Variants in ITSN1 observed in about 807,000 individuals in gnomAD.
ITSN1 encodes the protein intersectin-1.
Under a neutral mutation model 239.8 loss-of-function variants are expected in ITSN1, and 58 were observed. The observed-to-expected ratio is 0.24, with a 90% CI of 0.20 to 0.30. The LOEUF is 0.30. Among genes scored for constraint, ITSN1 ranks in the 10% least tolerant of loss-of-function variants. ITSN1 has a pLI of 1.00. For synonymous variants in ITSN1, 780 were observed against 770.8 expected, an observed-to-expected ratio of 1.01 and a Z score of -0.20; for missense variants, 1,558 against 2,103.3, an observed-to-expected ratio of 0.74 and a Z score of 5.07.
rs750087030 is a variant in ITSN1, at chr21:33,772,163, G to A, written c.1145G>A (p.Arg382His). ...LLEQQRKEQE[R>H]LAQLERAEQE... Reference sequence around the variant, plus strand: ...GAACAGCAGCGCAAGGAGCAGGAGCGCCTGGCCCAGCTGGAGCGGGCGGAG... The same window carrying A: ...GAACAGCAGCGCAAGGAGCAGGAGCACCTGGCCCAGCTGGAGCGGGCGGAG... Residue 382 changes from arginine (R) to histidine (H), a missense_variant, in exon 12 of 40, where the codon CGC becomes CAC. Arg to His is a conservative substitution (Grantham distance 29, BLOSUM62 0). Around this residue, in one of 2 missense-constraint regions of ITSN1, gnomAD observed 982 missense variants for 1,209.9 expected, o/e 0.81. Coordinates refer to ENST00000381318, the MANE Select transcript of ITSN1 (RefSeq NM_003024.3). The A allele has an allele frequency of 8.7e-6, 14 of 1,614,082 alleles. No individual in the cohort carries two copies. Among genetic ancestry groups the A allele is most frequent in the Admixed American group, 1.7e-5 (1 of 60,000 alleles).
intron 14 of ITSN1, among the ~76,000 whole-genome samples, chr21:33,775,425 A>G (rs1188158437): frequency 6.6e-6 from 1 of 152,224 alleles, no homozygotes; most frequent in African/African-American, 2.4e-5. Context: ...TAAAGTGTGT[A>G]CTGTATTAGA....
intron 29 of ITSN1, 48 bp from the exon 30 acceptor site, chr21:33,856,688 G>A (rs903462790): frequency 6.2e-7 from 1 of 1,611,838 alleles, no homozygotes; most frequent in Admixed American, 1.7e-5. Context: ...AAGTTGTGTG[G>A]GCTTCCCCAG....
intron 1 of ITSN1, among the ~76,000 whole-genome samples, chr21:33,693,902 A>G (rs939378133): frequency 1.3e-5 from 2 of 152,376 alleles, no homozygotes; most frequent in Non-Finnish European, 2.9e-5. Flanking sequence ...AATATTTACA[A>G]CACTTTATCC....
At chr21:33,764,175 A>G (rs2068558921) in intron 9 of ITSN1, among the ~76,000 whole-genome samples, 1 of 152,220 alleles carries the variant, frequency 6.6e-6, no homozygotes, top group Non-Finnish European at 1.5e-5. Context: ...TGAAATATTT[A>G]TTTTAAATTT....
intron 29 of ITSN1, among the ~76,000 whole-genome samples, chr21:33,849,170 G>A (rs1415121652): frequency 1.3e-5 from 2 of 152,124 alleles, no homozygotes; most frequent in African/African-American, 4.8e-5. Flanking sequence ...CTCAGGAGGC[G>A]GAGGTTGCAG....
rs1343376768 is a variant in ITSN1, at chr21:33,889,262, T to A, written c.*962T>A. 6.6e-6 allele frequency: 1 copy of A among 152,114 alleles called. No homozygotes were observed. The highest frequency in any genetic ancestry group is 1.5e-5 in the Non-Finnish European group (1 of 68,032). The allele number at this position is 152,114 out of a possible 1,614,324, so 9.4% of individuals were successfully genotyped here. ...TTGTAGGACATTTCAACAGCTCTTT[T>A]TGGTACGTTCCCCAAAAAGCCATGT... On this transcript the variant is annotated 3_prime_UTR_variant, in exon 40 of 40. Coordinates refer to ENST00000381318, the MANE Select transcript of ITSN1 (RefSeq NM_003024.3).
At chr21:33,850,738 T>C (rs1345602229) in intron 29 of ITSN1, among the ~76,000 whole-genome samples, 1 of 151,748 alleles carries the variant, frequency 6.6e-6, no homozygotes, top group Non-Finnish European at 1.5e-5. Context: ...AGAACTTTCT[T>C]CACGTCATAT....
chr21:33,818,494 T>C (rs778615062), intron 23 of ITSN1, 22 bp downstream of exon 23: 2 of 1,575,560 alleles, frequency 1.3e-6, no homozygotes, highest in East Asian at 2.2e-5. Flanking sequence ...TTTATCTGCT[T>C]GTATTTGATG....
At chr21:33,799,423 G>A (rs2071806677) in intron 18 of ITSN1, among the ~76,000 whole-genome samples, 1 of 152,148 alleles carries the variant, frequency 6.6e-6, no homozygotes, top group Non-Finnish European at 1.5e-5. Context: ...TCAGACTTTG[G>A]GTCATATCCT....
chr21:33,739,660 A>G (rs543065185), intron 5 of ITSN1, among the ~76,000 whole-genome samples: 1 of 152,346 alleles, frequency 6.6e-6, no homozygotes, highest in South Asian at 2.1e-4. Context: ...GAACTGATGT[A>G]GATGATGAGA....
Position 33,745,210 on chromosome 21 carries a change from T to C in ITSN1, c.347-4933T>C, listed in dbSNP as rs560263671. 2.2e-4 allele frequency among the ~76,000 whole-genome samples: 33 copies of C among 152,278 alleles called. No homozygotes were observed. The East Asian group carries it at 2.9e-3, about 13-fold the overall frequency. On this transcript the variant is annotated intron_variant, in intron 5 of 39. Coordinates refer to ENST00000381318, the MANE Select transcript of ITSN1 (RefSeq NM_003024.3). ...CCATTCTTTGGATGTAGCTGCGTAT[T>C]TGCAGGAAATACAGAATATAGAGGG... is the stretch of plus-strand genomic sequence containing the variant.
intron 26 of ITSN1, 81 bp from the exon 27 acceptor site, chr21:33,829,543 C>G (rs2074170004): frequency 6.8e-7 from 1 of 1,479,728 alleles, no homozygotes; most frequent in Non-Finnish European, 9.3e-7. Flanking sequence ...ATCTGTGAAC[C>G]TGGGAGGCGC....
intron 18 of ITSN1, among the ~76,000 whole-genome samples, chr21:33,798,686 A>T (rs2071749646): frequency 6.6e-6 from 1 of 152,148 alleles, no homozygotes; most frequent in East Asian, 1.9e-4. Flanking sequence ...AAAGAAAGAA[A>T]AAACACTTTC....
rs890546602 is a variant in ITSN1 at position 33,894,331 on chromosome 21, A to G, written c.*6031A>G. 3 of 152,142 alleles carry G rather than the reference A, an allele frequency of 2.0e-5. No homozygotes were observed. The highest frequency in any genetic ancestry group is 2.1e-4 in the South Asian group (1 of 4,820). The allele number at this position is 152,142 out of a possible 1,614,324, so 9.4% of individuals were successfully genotyped here. A position where few individuals can be genotyped will look rare whatever the true frequency, so the allele number is the denominator to read the frequency against. ...GGGGGAGCCATATTACACCCACATCATAATTTTTCTGACACTATGTGTGCT... is the reference window on the plus strand; with the variant it reads ...GGGGGAGCCATATTACACCCACATCGTAATTTTTCTGACACTATGTGTGCT... On this transcript the variant is annotated 3_prime_UTR_variant, in exon 40 of 40. Coordinates refer to ENST00000381318, the MANE Select transcript of ITSN1 (RefSeq NM_003024.3).
At chr21:33,857,396 G>C (rs1301717621) in intron 30 of ITSN1, among the ~76,000 whole-genome samples, 1 of 152,228 alleles carries the variant, frequency 6.6e-6, no homozygotes, top group African/African-American at 2.4e-5. Context: ...AGTCCTCCCA[G>C]AAGGGCCCTG....
chr21:33,669,945 A>C (rs1027052035), intron 1 of ITSN1, among the ~76,000 whole-genome samples: 1 of 152,098 alleles, frequency 6.6e-6, no homozygotes, highest in African/African-American at 2.4e-5. Flanking sequence ...GATCTGGCTT[A>C]GTTCTGGAAC....
chr21:33,793,713 C>G (rs528665555), intron 16 of ITSN1, among the ~76,000 whole-genome samples: 8 of 152,080 alleles, frequency 5.3e-5, no homozygotes, highest in Non-Finnish European at 1.0e-4. Context: ...TTACTTTTAA[C>G]CTGATTGCTG....
intron 27 of ITSN1, among the ~76,000 whole-genome samples, chr21:33,831,281 G>A (rs1219588331): frequency 6.6e-6 from 1 of 152,222 alleles, no homozygotes; most frequent in African/African-American, 2.4e-5. Context: ...TTTTCCAGCA[G>A]CCGTCCGTCT....
rs145072425 is a variant in ITSN1, at chr21:33,737,889, T to C, written c.346+2685T>C. Among the ~76,000 whole-genome samples, 25 of 152,196 alleles carry C rather than the reference T, an allele frequency of 1.6e-4. No homozygotes were observed. In the East Asian group the frequency reaches 3.9e-3, roughly 24 times the overall value. On this transcript the variant is annotated intron_variant, in intron 5 of 39. Transcript: ENST00000381318. ...CACCTGGCCTGCTTTCTAATTAATA[T>C]TGAAAATTATTGGTTAGGTGTGGTG...
Sources: allele counts gnomAD v4.1 joint callset (sites outside exome capture counted in the v4.1 genomes callset), GRCh38; gene constraint gnomAD v4.1.1; regional missense constraint gnomAD v4.1.1; transcripts MANE v1.5; gene names NCBI Gene and HGNC (gene_info 2026-07-23, HGNC 2026-07-21).